KCNJ6: variants seen among roughly 807,000 people sequenced by gnomAD.
The protein encoded by KCNJ6 is potassium inwardly rectifying channel subfamily J member 6.
In KCNJ6, 9 loss-of-function variants were observed where a neutral mutation model predicts 34.2. The observed-to-expected ratio is 0.26, with a 90% confidence interval of 0.16 to 0.46. The LOEUF is 0.46. KCNJ6 is among the 20% of genes least tolerant of loss of function. KCNJ6 has a pLI of 1.00. For missense variants in KCNJ6, 236 were observed against 531.3 expected, an observed-to-expected ratio of 0.44 and a Z score of 5.46; for synonymous variants, 196 against 207.1, an observed-to-expected ratio of 0.95 and a Z score of 0.46.
At chr21:37,735,576 T>G (rs960667511) in intron 2 of KCNJ6, among the ~76,000 whole-genome samples, 1 of 152,162 alleles carries the variant, frequency 6.6e-6, no homozygotes, top group African/African-American at 2.4e-5. Flanking sequence ...GCCAGTGTAG[T>G]ATCCACATTG....
At chr21:37,661,930 A>G (rs752348936) in intron 3 of KCNJ6, among the ~76,000 whole-genome samples, 2 of 145,710 alleles carry the variant, frequency 1.4e-5, no homozygotes, top group Non-Finnish European at 3.1e-5. Flanking sequence ...GCCCAGCCTA[A>G]GAGACATAAT....
intron 2 of KCNJ6, among the ~76,000 whole-genome samples, chr21:37,780,307 G>C (rs2055163110): frequency 6.6e-6 from 1 of 152,148 alleles, no homozygotes; most frequent in African/African-American, 2.4e-5. Context: ...AAGAGGTCTA[G>C]GGAGATAGAG....
intron 3 of KCNJ6, among the ~76,000 whole-genome samples, chr21:37,712,519 TCCTC>T (rs959794596): frequency 1.3e-5 from 1 of 79,932 alleles, no homozygotes; most frequent in African/African-American, 5.3e-5. Context: ...CTCCTCTCCT[TCCTC>T]CCTTTCTCTT....
At chr21:37,843,625 G>A (rs2055491750) in intron 1 of KCNJ6, among the ~76,000 whole-genome samples, 1 of 152,126 alleles carries the variant, frequency 6.6e-6, no homozygotes, top group African/African-American at 2.4e-5. Context: ...CCTGGTTGTT[G>A]GATTTACATT....
intron 3 of KCNJ6, among the ~76,000 whole-genome samples, chr21:37,704,357 G>A (rs1020095048): frequency 6.6e-6 from 1 of 152,130 alleles, no homozygotes; most frequent in Admixed American, 6.5e-5. Flanking sequence ...ACAAAGCCCT[G>A]CTTTTTATCA....
At chr21:37,690,404 G>A (rs1194040042) in intron 3 of KCNJ6, among the ~76,000 whole-genome samples, 1 of 152,150 alleles carries the variant, frequency 6.6e-6, no homozygotes, top group South Asian at 2.1e-4. Flanking sequence ...TAAACTGTCT[G>A]TTTGCATTGA....
chr21:37,748,223 A>G (rs1415963737), intron 2 of KCNJ6, among the ~76,000 whole-genome samples: 1 of 152,168 alleles, frequency 6.6e-6, no homozygotes, highest in Non-Finnish European at 1.5e-5. Context: ...AGCCAGTTTA[A>G]TTGGATCTAG....
chr21:37,739,215 C>G (rs991553912), intron 2 of KCNJ6, among the ~76,000 whole-genome samples: 19 of 152,120 alleles, frequency 1.2e-4, no homozygotes, highest in Admixed American at 1.3e-4. Flanking sequence ...TAAAATATAT[C>G]ATTATTTTAA....
At chr21:37,682,775 AG>A (rs1353914230) in intron 3 of KCNJ6, among the ~76,000 whole-genome samples, 2 of 152,200 alleles carry the variant, frequency 1.3e-5, no homozygotes, top group African/African-American at 4.8e-5. Flanking sequence ...AGCAGTGAGC[AG>A]AGTGGTCCTC....
At chr21:37,793,038 C>T (rs1313776989) in intron 2 of KCNJ6, among the ~76,000 whole-genome samples, 5 of 152,150 alleles carry the variant, frequency 3.3e-5, no homozygotes, top group Admixed American at 3.3e-4. Flanking sequence ...CTTGTCAACT[C>T]CATGTTGAGA....
intron 1 of KCNJ6, among the ~76,000 whole-genome samples, chr21:37,881,419 T>C (rs1231383078): frequency 2.0e-5 from 3 of 152,136 alleles, no homozygotes; most frequent in African/African-American, 2.4e-5. Flanking sequence ...TCCTAGCCTA[T>C]AGATGGGCAG....
chr21:37,727,250 C>T (rs1402727171), intron 2 of KCNJ6, among the ~76,000 whole-genome samples: 1 of 152,110 alleles, frequency 6.6e-6, no homozygotes, highest in East Asian at 1.9e-4. Context: ...TTAAGCTGCC[C>T]AGTTCATGGT....
intron 2 of KCNJ6, among the ~76,000 whole-genome samples, chr21:37,763,007 A>G (rs535325395): frequency 6.6e-6 from 1 of 152,312 alleles, no homozygotes; most frequent in South Asian, 2.1e-4. Flanking sequence ...AGCAGATGAA[A>G]ACAGGGCTGT....
Position 37,609,936 on chromosome 21 carries a change from TG to T in KCNJ6, c.*15222del, listed in dbSNP as rs1164278988. 1 of 152,238 alleles carries T rather than the reference TG, an allele frequency of 6.6e-6. No homozygotes were observed. Among genetic ancestry groups the T allele is most frequent in the Non-Finnish European group, 1.5e-5 (1 of 68,044 alleles). The allele number at this position is 152,238 out of a possible 1,614,324, so 9.4% of individuals were successfully genotyped here. A position where few individuals can be genotyped will look rare whatever the true frequency, so the allele number is the denominator to read the frequency against. On this transcript the variant is annotated 3_prime_UTR_variant, in exon 4 of 4. Coordinates refer to ENST00000609713, the MANE Select transcript of KCNJ6 (RefSeq NM_002240.5). ...CTACTGCAGAGAAGACCACAGTGCA[TG>T]TCCAGTAGCACCTCATTTATCTAGA...
At chr21:37,883,234 T>C (rs1309043772) in intron 1 of KCNJ6, among the ~76,000 whole-genome samples, 1 of 152,216 alleles carries the variant, frequency 6.6e-6, no homozygotes, top group Non-Finnish European at 1.5e-5. Flanking sequence ...AACTCTTTTC[T>C]AGAAAGGGCC....
chr21:37,886,968 A>C, intron 1 of KCNJ6, among the ~76,000 whole-genome samples: 2 of 140,016 alleles, frequency 1.4e-5, no homozygotes, highest in African/African-American at 2.7e-5. Context: ...AATTTCACTC[A>C]TCCTCTGTTC....
chr21:37,903,155 G>C (rs930009361), intron 1 of KCNJ6, among the ~76,000 whole-genome samples: 3 of 152,118 alleles, frequency 2.0e-5, no homozygotes, highest in Non-Finnish European at 4.4e-5. Context: ...TGATTTGGCT[G>C]TATCCCCACC....
intron 3 of KCNJ6, among the ~76,000 whole-genome samples, chr21:37,655,712 G>A (rs2054460646): frequency 6.6e-6 from 1 of 151,510 alleles, no homozygotes; most frequent in Admixed American, 6.6e-5. Context: ...CTGATTCTTA[G>A]TGGTAACCAG....
At chr21:37,647,078 C>T (rs2054408750) in intron 3 of KCNJ6, among the ~76,000 whole-genome samples, 1 of 151,942 alleles carries the variant, frequency 6.6e-6, no homozygotes, top group African/African-American at 2.4e-5. Flanking sequence ...TTCATCTGTC[C>T]TATTTTGAGG....
Sources: allele counts gnomAD v4.1 joint callset (sites outside exome capture counted in the v4.1 genomes callset), GRCh38; gene constraint gnomAD v4.1.1; transcripts MANE v1.5; gene names NCBI Gene and HGNC (gene_info 2026-07-23, HGNC 2026-07-21).